The following ACYP2 variants were observed in gnomAD, a reference collection of about 807,000 sequenced individuals.
ACYP2 encodes the protein acylphosphatase 2, also known as acylphosphatase-2.
In ACYP2, 12 loss-of-function variants were observed where a neutral mutation model predicts 11.2. The ratio of observed to expected loss-of-function variants is 1.08; its 90% confidence interval spans 0.69 to 1.74. The LOEUF (loss-of-function observed/expected upper bound fraction) is 1.74. ACYP2 is among the 40% of genes most tolerant of loss of function. The probability of loss-of-function intolerance (pLI) is 0.00; values close to 1 mark genes in which losing one functional copy is unlikely to be tolerated. For missense variants in ACYP2, 134 were observed against 101.9 expected, an observed-to-expected ratio of 1.31 and a Z score of -1.35; for synonymous variants, 43 against 32.2, an observed-to-expected ratio of 1.33 and a Z score of -1.13.
intron 6 of ACYP2, among the ~76,000 whole-genome samples, chr2:54,244,252 A>C (rs1686853016): frequency 6.6e-6 from 1 of 152,136 alleles, no homozygotes; most frequent in Non-Finnish European, 1.5e-5. Context: ...CCCAGGCTGG[A>C]GTGCAGTGGT....
At chr2:54,072,158 T>G (rs914445074) in intron 4 of ACYP2, among the ~76,000 whole-genome samples, 1 of 152,186 alleles carries the variant, frequency 6.6e-6, no homozygotes, top group Non-Finnish European at 1.5e-5. Flanking sequence ...TATCAAATAT[T>G]GTTGAAAGAA....
At position 54,048,907 on chromosome 2, in the gene ACYP2, C is replaced by T. The variant is rs554425533; in HGVS notation, c.63-2051C>T. On this transcript the variant is annotated intron_variant, in intron 2 of 6. Transcript: ENST00000607452. ...GTGCACCTCAGGGCTCAGCAGGAAG[C>T]AACAGCAGGGACAAGGACAGAGATT... 5.9e-5 allele frequency among the ~76,000 whole-genome samples: 9 copies of T among 152,266 alleles called. No individual in the cohort carries two copies. The South Asian group carries it at 1.9e-3, about 32-fold the overall frequency.
chr2:54,252,679 G>A (rs564356792), intron 6 of ACYP2, among the ~76,000 whole-genome samples: 21 of 152,014 alleles, frequency 1.4e-4, no homozygotes, highest in Admixed American at 2.6e-4. Context: ...ATGGTCGGGC[G>A]GATCACAAGG....
At chr2:53,992,387 C>G (rs1471822502) in intron 2 of ACYP2, among the ~76,000 whole-genome samples, 1 of 152,142 alleles carries the variant, frequency 6.6e-6, no homozygotes, top group Non-Finnish European at 1.5e-5. Flanking sequence ...AAAGATCTCT[C>G]CTGACTCTGA....
chr2:54,250,835 C>A (rs1279471197), intron 6 of ACYP2, among the ~76,000 whole-genome samples: 1 of 152,134 alleles, frequency 6.6e-6, no homozygotes, highest in Non-Finnish European at 1.5e-5. Flanking sequence ...TTTGTTGGTA[C>A]TAATACTGTA....
chr2:53,984,021 C>T (rs1671890677), intron 2 of ACYP2, among the ~76,000 whole-genome samples: 1 of 152,140 alleles, frequency 6.6e-6, no homozygotes, highest in South Asian at 2.1e-4. Context: ...GAGGTAGGGG[C>T]ATGACACAAG....
chr2:54,075,693 A>G (rs1166247832), intron 4 of ACYP2, among the ~76,000 whole-genome samples: 2 of 151,882 alleles, frequency 1.3e-5, no homozygotes, highest in Non-Finnish European at 2.9e-5. Flanking sequence ...CATGCCTGTA[A>G]TCCCAGCTAC....
At chr2:54,178,679 G>A (rs1683577958) in intron 6 of ACYP2, among the ~76,000 whole-genome samples, 1 of 152,042 alleles carries the variant, frequency 6.6e-6, no homozygotes, top group South Asian at 2.1e-4. Flanking sequence ...TGTAATTCTA[G>A]GAAAAATACA....
At chr2:54,258,103 C>G (rs1322350620) in intron 6 of ACYP2, among the ~76,000 whole-genome samples, 1 of 152,176 alleles carries the variant, frequency 6.6e-6, no homozygotes, top group African/African-American at 2.4e-5. Flanking sequence ...GATTTCTTCC[C>G]TCTTGGGGTT....
At chr2:54,079,918 T>G (rs2103663116) in intron 4 of ACYP2, 1 of 152,510 alleles carries the variant, frequency 6.6e-6, no homozygotes, top group East Asian at 1.9e-4. Flanking sequence ...CTTTCCATTT[T>G]CTTCTTTTTC....
intron 4 of ACYP2, among the ~76,000 whole-genome samples, chr2:54,121,665 G>T (rs1366520653): frequency 6.6e-6 from 1 of 152,194 alleles, no homozygotes; most frequent in Non-Finnish European, 1.5e-5. Flanking sequence ...TTAAAGTCAA[G>T]AAACATAAAT....
intron 2 of ACYP2, among the ~76,000 whole-genome samples, chr2:53,976,359 T>C (rs1671488543): frequency 6.6e-6 from 1 of 152,094 alleles, no homozygotes; most frequent in Non-Finnish European, 1.5e-5. Context: ...AGGTGCATGC[T>C]ACCATGTCCG....
chr2:54,267,865 T>C (rs1307709097), intron 6 of ACYP2, among the ~76,000 whole-genome samples: 3 of 152,206 alleles, frequency 2.0e-5, no homozygotes, highest in Non-Finnish European at 4.4e-5. Context: ...TCGGCTCTTG[T>C]TTCAGAATCT....
chr2:54,017,348 C>T (rs1329145795), intron 2 of ACYP2, among the ~76,000 whole-genome samples: 3 of 150,622 alleles, frequency 2.0e-5, no homozygotes, highest in Non-Finnish European at 4.4e-5. Context: ...CTCTGCCACC[C>T]GGGTTCAGTG....
chr2:54,300,062 T>C (rs1353197110), intron 6 of ACYP2, among the ~76,000 whole-genome samples: 1 of 152,176 alleles, frequency 6.6e-6, no homozygotes, highest in Non-Finnish European at 1.5e-5. Flanking sequence ...GAAAGCTATC[T>C]CATGTGAATG....
At chr2:54,280,324 T>G (rs1688791062) in intron 6 of ACYP2, among the ~76,000 whole-genome samples, 1 of 151,978 alleles carries the variant, frequency 6.6e-6, no homozygotes, top group Non-Finnish European at 1.5e-5. Context: ...TTCTGCCAAG[T>G]TTCAGAATGC....
chr2:54,184,742 G>A (rs1052096672), intron 6 of ACYP2, among the ~76,000 whole-genome samples: 2 of 152,058 alleles, frequency 1.3e-5, no homozygotes, highest in African/African-American at 4.8e-5. Context: ...TGTTAGAAAA[G>A]CAGAAAACTT....
chr2:54,298,278 G>A (rs1689596917), intron 6 of ACYP2, among the ~76,000 whole-genome samples: 1 of 152,172 alleles, frequency 6.6e-6, no homozygotes, highest in Admixed American at 6.5e-5. Context: ...AGGAGGAAAT[G>A]TCTATTCAAA....
intron 6 of ACYP2, among the ~76,000 whole-genome samples, chr2:54,261,472 T>G (rs1687773820): frequency 6.6e-6 from 1 of 152,172 alleles, no homozygotes; most frequent in South Asian, 2.1e-4. Flanking sequence ...GAGTACAATT[T>G]AGCCACTAAT....
Sources: gnomAD v4.1 joint callset for allele counts (sites outside exome capture counted in the v4.1 genomes callset) on GRCh38, gnomAD v4.1.1 for gene constraint, MANE v1.5 for transcripts, NCBI Gene and HGNC (gene_info 2026-07-23, HGNC 2026-07-21) for gene names.